The following COL3A1 variants were observed in gnomAD, a reference collection of about 807,000 sequenced individuals.
The protein encoded by COL3A1 is collagen alpha-1(III) chain.
Under a neutral mutation model 200.9 loss-of-function variants are expected in COL3A1, and 46 were observed. That is an observed-to-expected ratio of 0.23 (90% confidence interval 0.18 to 0.29). The LOEUF (loss-of-function observed/expected upper bound fraction) is 0.29. COL3A1 is among the 10% of genes least tolerant of loss of function. The probability of loss-of-function intolerance (pLI) is 1.00; values close to 1 mark genes in which losing one functional copy is unlikely to be tolerated. For missense variants in COL3A1, 1,367 were observed against 1,917.6 expected (o/e 0.71, Z 5.36); for synonymous variants, 650 against 628.0 (o/e 1.03, Z -0.52).
chr2:189,004,387 A>G, intron 40 of COL3A1, 23 bp downstream of exon 40: 1 of 1,562,148 alleles, frequency 6.4e-7, no homozygotes, highest in Non-Finnish European at 8.7e-7. Flanking sequence ...ATTTTCCACT[A>G]CACTCTTCCT....
At position 188,994,345 on chromosome 2, in the gene COL3A1, G is replaced by T; in HGVS notation, c.1293+13G>T. ...GCGAGGTGGTGCAGTAAGTTGCCTT[G>T]TTTTTTCTCTGTTGACTGAAAGGTA... On this transcript the variant is annotated intron_variant, in intron 18 of 50. Transcript: ENST00000304636. The surrounding 1 kb of genome is among the most constrained non-coding windows in gnomAD (Gnocchi z 4.5). 1 of 1,613,294 alleles carries T rather than the reference G, an allele frequency of 6.2e-7. No individual in the cohort carries two copies. Among genetic ancestry groups the T allele is most frequent in the Non-Finnish European group, 8.5e-7 (1 of 1,179,794 alleles).
At position 188,996,167 on chromosome 2, in the gene COL3A1, C is replaced by A. The variant is rs1688304991; in HGVS notation, c.1651C>A (p.Pro551Thr). Residue 551 changes from proline (P) to threonine (T), a missense_variant, in exon 23 of 51, where the codon CCA (proline) becomes ACA (threonine). By Grantham distance (38) the Pro-to-Thr change is conservative (BLOSUM62 -1). This residue lies in a region of COL3A1 where 462 missense variants were observed against 681.4 expected (regional missense o/e 0.68). Transcript: ENST00000304636. ...SPGGPGSDGKPGPPGSQGESG... is the reference protein window; with the variant it reads ...SPGGPGSDGKTGPPGSQGESG... ...AGGAGGACCAGGAAGTGATGGGAAA[C>A]CAGGGCCTCCCGTATGTACATTTTT... The A allele has an allele frequency of 6.2e-7, 1 of 1,613,434 alleles. No individual in the cohort carries two copies. Among genetic ancestry groups the A allele is most frequent in the Non-Finnish European group, 8.5e-7 (1 of 1,179,756 alleles).
At chr2:188,999,214 G>A in intron 29 of COL3A1, 71 bp from the exon 30 acceptor site, 1 of 1,376,076 alleles carries the variant, frequency 7.3e-7, no homozygotes, top group South Asian at 1.2e-5. Context: ...GATTCAAAAT[G>A]ATGCAAGTTA....
chr2:188,991,834 A>C, intron 13 of COL3A1, 112 bp downstream of exon 13: 4 of 1,019,688 alleles, frequency 3.9e-6, no homozygotes, highest in Non-Finnish European at 6.2e-6. Flanking sequence ...TTCCTACAAA[A>C]TTATACTCAA....
At chr2:188,975,323 G>C (rs762409606) in intron 1 of COL3A1, among the ~76,000 whole-genome samples, 9 of 152,172 alleles carry the variant, frequency 5.9e-5, no homozygotes, top group Non-Finnish European at 1.3e-4. Flanking sequence ...AAAGATACTA[G>C]TACTGTTTGA....
In COL3A1 at chr2:189,011,721, G is replaced by C. The variant is rs1446173753; in HGVS notation, c.4348G>C (p.Gly1450Arg). ...PIVDIAPYDI[G>R]GPDQEFGVDV... ...TGTAGATATTGCACCCTATGACATTGGTGGTCCTGATCAAGAATTTGGTGT... is the reference window on the plus strand; with the variant it reads ...TGTAGATATTGCACCCTATGACATTCGTGGTCCTGATCAAGAATTTGGTGT... The change falls in exon 51 of 51, where the codon GGT becomes CGT. Residue 1450 changes from glycine (G) to arginine (R), a missense_variant. By Grantham distance (125) the Gly-to-Arg change is moderately radical. Coordinates refer to ENST00000304636, the MANE Select transcript of COL3A1 (RefSeq NM_000090.4). 6.2e-7 allele frequency: 1 copy of C among 1,613,984 alleles called. No homozygotes were observed. Among genetic ancestry groups the C allele is most frequent in the Non-Finnish European group, 8.5e-7 (1 of 1,179,928 alleles).
At chr2:188,991,120 A>G in intron 11 of COL3A1, 63 bp downstream of exon 11, 1 of 1,521,116 alleles carries the variant, frequency 6.6e-7, no homozygotes, top group Non-Finnish European at 9.1e-7. Flanking sequence ...GCTACATATA[A>G]GATTCATATT....
rs566612250 is a variant in COL3A1, at chr2:188,988,788, T to C, written c.636+145T>C. The C allele has an allele frequency of 9.6e-6, 6 of 624,134 alleles. No homozygotes were observed. The East Asian group carries it at 1.4e-4, about 15-fold the overall frequency. 38.7% of individuals were successfully genotyped at this position (624,134 alleles called of 1,614,324 possible). A position where few individuals can be genotyped will look rare whatever the true frequency, so the allele number is the denominator to read the frequency against. ...AAATAACGAATAGCATTTTATTGAG[T>C]CTTTTGGACTCTTTCAATTGTTAGC... On this transcript the variant is annotated intron_variant, in intron 7 of 50. Transcript: ENST00000304636.
chr2:189,008,878 C>T (rs1041078828), intron 47 of COL3A1, 46 bp from the exon 48 acceptor site: 3 of 1,576,116 alleles, frequency 1.9e-6, no homozygotes, highest in East Asian at 2.2e-5. Flanking sequence ...CTTAGAGTGG[C>T]GACTGAATGT....
intron 31 of COL3A1, 37 bp from the exon 32 acceptor site, chr2:188,999,805 T>C: frequency 6.3e-7 from 1 of 1,578,332 alleles, no homozygotes; most frequent in South Asian, 1.2e-5. Flanking sequence ...TCACTGAAGA[T>C]ACTTTGAATC....
intron 5 of COL3A1, among the ~76,000 whole-genome samples, chr2:188,987,716 A>C (rs529609651): frequency 1.3e-5 from 2 of 152,214 alleles, no homozygotes; most frequent in South Asian, 4.1e-4. Context: ...GTTTTTCTGC[A>C]CTGAGTTTGG....
intron 43 of COL3A1, 149 bp from the exon 44 acceptor site, chr2:189,006,788 T>C: frequency 1.1e-6 from 1 of 911,458 alleles, no homozygotes; most frequent in Non-Finnish European, 1.7e-6. Flanking sequence ...GCTTTAGCAC[T>C]TTGAAGGCAA....
chr2:188,977,999 C>T (rs1046019990), intron 1 of COL3A1: 1 of 351,354 alleles, frequency 2.8e-6, no homozygotes, highest in South Asian at 2.2e-5. Context: ...TCCATGATAC[C>T]TTGTATTTAC....
rs965228005 is a variant in COL3A1, at chr2:188,994,309, G to T, written c.1270G>T (p.Ala424Ser). 1.2e-6 allele frequency: 2 copies of T among 1,613,630 alleles called. No individual in the cohort carries two copies. Among genetic ancestry groups the T allele is most frequent in the African/African-American group, 2.7e-5 (2 of 74,906 alleles). ...GPPGPAGANG[A>S]PGLRGGAGEP... is the part of the protein sequence containing the mutation. The stretch of plus-strand genomic sequence containing the variant: ...TCCAGGACCAGCCGGTGCTAATGGT[G>T]CTCCTGGACTGCGAGGTGGTGCAGT... The change falls in exon 18 of 51, where the codon GCT becomes TCT. Residue 424 changes from alanine to serine, a missense_variant. Physicochemically the swap from Ala to Ser is moderately conservative, Grantham distance 99. Coordinates refer to ENST00000304636, the MANE Select transcript of COL3A1 (RefSeq NM_000090.4). This position sits in a 1 kb window ranked among gnomAD's most constrained non-coding sequence, Gnocchi z 4.5.
chr2:188,995,935 T>G lies in COL3A1; in HGVS notation c.1608+145T>G, dbSNP rs1393158479. The G allele has an allele frequency of 1.1e-5, 10 of 946,750 alleles. No individual in the cohort carries two copies. The East Asian group carries it at 2.6e-4, about 25-fold the overall frequency. The allele number at this position is 946,750 out of a possible 1,614,324, so 58.6% of individuals were successfully genotyped here. ...CAAAACAAAATTCTTTTAAGTAAACTTAAGCCGAGATAGTTCAAGGAGAAG... is the reference window on the plus strand; with the variant it reads ...CAAAACAAAATTCTTTTAAGTAAACGTAAGCCGAGATAGTTCAAGGAGAAG... On this transcript the variant is annotated intron_variant, in intron 22 of 50. Coordinates refer to ENST00000304636, the MANE Select transcript of COL3A1 (RefSeq NM_000090.4).
chr2:188,990,718 A>G (rs947926011), intron 10 of COL3A1, among the ~76,000 whole-genome samples: 2 of 152,184 alleles, frequency 1.3e-5, no homozygotes, highest in African/African-American at 4.8e-5. Flanking sequence ...CTGTGCCTAC[A>G]ACCTATCAAC....
Position 188,984,738 on chromosome 2 carries a change from C to T in COL3A1, c.80-22C>T, listed in dbSNP as rs1559052534. 16 of 1,609,032 alleles carry T rather than the reference C, an allele frequency of 9.9e-6. No individual in the cohort carries two copies. The Middle Eastern group carries it at 8.3e-4, about 83-fold the overall frequency. Reference sequence around the variant, plus strand: ...TTCAGCAAAACCTAAGGAAACTTCACGTCATCTAACTTGTTTTTCAGCTGT... The same window carrying T: ...TTCAGCAAAACCTAAGGAAACTTCATGTCATCTAACTTGTTTTTCAGCTGT... On this transcript the variant is annotated intron_variant, in intron 1 of 50. Coordinates refer to ENST00000304636, the MANE Select transcript of COL3A1 (RefSeq NM_000090.4).
Position 188,998,324 on chromosome 2 carries a change from G to A in COL3A1, c.1977+5G>A, listed in dbSNP as rs1553508544. On this transcript the variant is annotated splice_donor_5th_base_variant and intron_variant, in intron 28 of 50. Coordinates refer to ENST00000304636, the MANE Select transcript of COL3A1 (RefSeq NM_000090.4). ...AATGGAAAACCTGGGGAACCAGTAAGTTACGTTTCATTATTCAAAACTCAG... is the reference window on the plus strand; with the variant it reads ...AATGGAAAACCTGGGGAACCAGTAAATTACGTTTCATTATTCAAAACTCAG... 6.2e-7 allele frequency: 1 copy of A among 1,612,938 alleles called. No individual in the cohort carries two copies. Among genetic ancestry groups the A allele is most frequent in the Non-Finnish European group, 8.5e-7 (1 of 1,179,190 alleles).
chr2:188,984,885 G>A lies in COL3A1; in HGVS notation c.205G>A (p.Asp69Asn), dbSNP rs112714742. Residue 69 changes from aspartate to asparagine, a missense_variant, in exon 2 of 51, where the codon GAT becomes AAT. Transcript: ENST00000304636. ...TCTCTGCGATGACATAATATGTGAC[G>A]ATCAAGAATTAGACTGCCCCAACCC... ...SVLCDDIICDDQELDCPNPEI... is the reference protein window; with the variant it reads ...SVLCDDIICDNQELDCPNPEI... 9 of 1,613,182 alleles carry A rather than the reference G, an allele frequency of 5.6e-6. No homozygotes were observed. Among genetic ancestry groups the A allele is most frequent in the Admixed American group, 1.7e-5 (1 of 59,888 alleles).
Sources: allele counts gnomAD v4.1 joint callset (sites outside exome capture counted in the v4.1 genomes callset), GRCh38; gene constraint gnomAD v4.1.1; regional missense constraint gnomAD v4.1.1; non-coding constraint Gnocchi (gnomAD v3.1); transcripts MANE v1.5; gene names NCBI Gene and HGNC (gene_info 2026-07-23, HGNC 2026-07-21).